The following TMEM50B variants were observed in gnomAD, a reference collection of about 807,000 sequenced individuals.
The protein encoded by TMEM50B is HCV p7-trans-regulated protein 3.
A neutral mutation model predicts 23.4 loss-of-function variants in TMEM50B; 14 were observed. The ratio of observed to expected loss-of-function variants is 0.60; its 90% CI spans 0.39 to 0.93. The LOEUF (loss-of-function observed/expected upper bound fraction) is 0.93. TMEM50B is among the 40% of genes least tolerant of loss of function. The probability of loss-of-function intolerance (pLI) is 0.00; values close to 1 mark genes in which losing one functional copy is unlikely to be tolerated. For missense variants in TMEM50B, 159 were observed against 193.0 expected, an observed-to-expected ratio of 0.82 and a Z score of 1.04; for synonymous variants, 64 against 62.3, an observed-to-expected ratio of 1.03 and a Z score of -0.13.
chr21:33,433,500 G>A (rs2083910969), intron 8 of TMEM50B, among the ~76,000 whole-genome samples: 1 of 150,614 alleles, frequency 6.6e-6, no homozygotes. Flanking sequence ...ATGCTGAGTA[G>A]AGTAGGGCAG....
chr21:33,437,239 G>A (rs1317112513), intron 8 of TMEM50B: 1 of 408,436 alleles, frequency 2.4e-6, no homozygotes, highest in East Asian at 5.0e-5. Context: ...GTAATTGCTT[G>A]TTAGCAAAAT....
At chr21:33,468,233 T>C (rs1424762475) in intron 2 of TMEM50B, among the ~76,000 whole-genome samples, 1 of 126,752 alleles carries the variant, frequency 7.9e-6, no homozygotes, top group Non-Finnish European at 1.9e-5. Flanking sequence ...ATGCCTGTCA[T>C]TTTCAATTAA....
At chr21:33,468,078 A>T (rs530790432) in intron 2 of TMEM50B, among the ~76,000 whole-genome samples, 39 of 151,426 alleles carry the variant, frequency 2.6e-4, no homozygotes, top group Admixed American at 2.6e-3. Flanking sequence ...AAAAAAAAAA[A>T]AAAAGTGCGG....
At chr21:33,473,835 C>T (rs570382432) in intron 1 of TMEM50B, among the ~76,000 whole-genome samples, 13 of 152,164 alleles carry the variant, frequency 8.5e-5, no homozygotes, top group East Asian at 1.9e-4. Flanking sequence ...ATCCATACAA[C>T]GAAATACAAA....
intron 2 of TMEM50B, among the ~76,000 whole-genome samples, chr21:33,468,090 CA>C (rs1383395965): frequency 7.6e-6 from 1 of 131,090 alleles, no homozygotes; most frequent in East Asian, 2.0e-4. Context: ...AAAGTGCGGA[CA>C]GAGAGTGGTT....
At chr21:33,462,881 A>C (rs555973850) in intron 4 of TMEM50B, among the ~76,000 whole-genome samples, 1 of 152,362 alleles carries the variant, frequency 6.6e-6, no homozygotes, top group South Asian at 2.1e-4. Flanking sequence ...GCGCATACAC[A>C]CACATATTGT....
intron 1 of TMEM50B, among the ~76,000 whole-genome samples, chr21:33,469,992 G>T (rs986704568): frequency 2.0e-5 from 3 of 152,036 alleles, no homozygotes; most frequent in Non-Finnish European, 2.9e-5. Flanking sequence ...CTGGAAGAAG[G>T]AGAAAAATCA....
intron 1 of TMEM50B, among the ~76,000 whole-genome samples, chr21:33,476,439 T>C (rs975808473): frequency 2.0e-5 from 3 of 152,060 alleles, no homozygotes; most frequent in African/African-American, 7.2e-5. Flanking sequence ...TCAAATAGAT[T>C]TAGCTACTGC....
intron 6 of TMEM50B, among the ~76,000 whole-genome samples, chr21:33,451,279 G>C (rs752535895): frequency 1.3e-3 from 191 of 152,296 alleles, no homozygotes; most frequent in Non-Finnish European, 2.0e-3. Flanking sequence ...AGACCATGCT[G>C]CAATTCTTCA....
chr21:33,452,027 G>A (rs779053018), intron 6 of TMEM50B, among the ~76,000 whole-genome samples: 9 of 152,154 alleles, frequency 5.9e-5, no homozygotes, highest in Non-Finnish European at 1.3e-4. Flanking sequence ...GCACATAGAT[G>A]ACACAGCTGT....
At chr21:33,446,188 C>G (rs954343694), downstream of TMEM50B, among the ~76,000 whole-genome samples, 6 of 151,962 alleles carry the variant, frequency 3.9e-5, no homozygotes, top group African/African-American at 1.4e-4. Context: ...CTAAAGCCAC[C>G]ATAGCAGCAC....
chr21:33,444,891 G>A (rs576798304), downstream of TMEM50B, among the ~76,000 whole-genome samples: 3 of 151,654 alleles, frequency 2.0e-5, no homozygotes, highest in Non-Finnish European at 4.4e-5. Context: ...AGCACTTTAG[G>A]AGGCTGAGGT....
In TMEM50B at chr21:33,460,522, C is replaced by CTTTATGA; in HGVS notation, c.281-24_281-18dup. On this transcript the variant is annotated splice_polypyrimidine_tract_variant and intron_variant, in intron 4 of 6. Coordinates refer to ENST00000542230, the MANE Select transcript of TMEM50B (RefSeq NM_006134.7). ...CTCGAGCACCTGTGTAGAGAAGAGG[C>CTTTATGA]TTTATGATTTTGTTCATTTTTGCAG... is the stretch of plus-strand genomic sequence containing the variant. 1 of 1,551,516 alleles carries CTTTATGA rather than the reference C, an allele frequency of 6.4e-7. No individual in the cohort carries two copies. The highest frequency in any genetic ancestry group is 8.7e-7 in the Non-Finnish European group (1 of 1,145,464).
Position 33,465,404 on chromosome 21 carries a change from T to C in TMEM50B, c.218A>G (p.Asn73Ser). 1 of 1,611,890 alleles carries C rather than the reference T, an allele frequency of 6.2e-7. No individual in the cohort carries two copies. Among genetic ancestry groups the C allele is most frequent in the African/African-American group, 1.3e-5 (1 of 74,986 alleles). Residue 73 changes from asparagine to serine, a missense_variant, in exon 4 of 7, where the codon AAT (asparagine) becomes AGT (serine). Transcript: ENST00000542230. ...TCTCACCTGAGCATTGGATACAGCA[T>C]TTATCCTAGAACGGCACAAAATCAT... Reference protein sequence around the residue: ...VFSTLAFFMINAVSNAQVRGD... With the variant: ...VFSTLAFFMISAVSNAQVRGD...
chr21:33,434,716 C>T (rs1258765572), intron 8 of TMEM50B, among the ~76,000 whole-genome samples: 2 of 152,050 alleles, frequency 1.3e-5, no homozygotes, highest in African/African-American at 4.8e-5. Context: ...CCTTCATCTG[C>T]CATGATGTAT....
chr21:33,460,216 G>A, intron 5 of TMEM50B, 197 bp downstream of exon 5: 1 of 516,568 alleles, frequency 1.9e-6, no homozygotes, highest in South Asian at 2.4e-5. Flanking sequence ...CAGTGGCTTG[G>A]ATTTCCTAAC....
At chr21:33,475,846 C>T (rs772944887) in intron 1 of TMEM50B, among the ~76,000 whole-genome samples, 9 of 151,998 alleles carry the variant, frequency 5.9e-5, no homozygotes, top group Admixed American at 2.6e-4. Flanking sequence ...CCCAGCTACT[C>T]GGGAGGCTGA....
downstream of TMEM50B, among the ~76,000 whole-genome samples, chr21:33,448,396 T>C (rs1369571940): frequency 6.6e-6 from 1 of 152,140 alleles, no homozygotes; most frequent in Non-Finnish European, 1.5e-5. Flanking sequence ...CCTGTCAACC[T>C]AGCACTTTGT....
At chr21:33,446,294 T>C (rs1299904976), downstream of TMEM50B, among the ~76,000 whole-genome samples, 1 of 151,280 alleles carries the variant, frequency 6.6e-6, no homozygotes, top group African/African-American at 2.4e-5. Context: ...TGGAGTACAG[T>C]GGCTTGATCT....
Sources: gnomAD v4.1 joint callset for allele counts (sites outside exome capture counted in the v4.1 genomes callset) on GRCh38, gnomAD v4.1.1 for gene constraint, MANE v1.5 for transcripts, NCBI Gene and HGNC (gene_info 2026-07-23, HGNC 2026-07-21) for gene names.